Variants in SLIT1 observed in about 807,000 individuals in gnomAD.
SLIT1 encodes the protein slit homolog 1 protein.
Under a neutral mutation model 186.1 loss-of-function variants are expected in SLIT1, and 66 were observed. The ratio of observed to expected loss-of-function variants is 0.35; its 90% CI spans 0.29 to 0.44. The LOEUF is 0.44. Ranked by LOEUF, SLIT1 falls within the 20% of genes least tolerant of loss-of-function variation. The pLI is 1.00. For synonymous variants in SLIT1, 761 were observed against 833.8 expected (o/e 0.91, Z 1.50); for missense variants, 1,638 against 2,037.4 (o/e 0.80, Z 3.77).
At chr10:97,113,140 C>T (rs1052947556) in intron 4 of SLIT1, among the ~76,000 whole-genome samples, 2 of 152,300 alleles carry the variant, frequency 1.3e-5, no homozygotes, top group South Asian at 2.1e-4. Flanking sequence ...TACAAAGATG[C>T]ATTAATTGAT....
chr10:97,138,012 T>C (rs1403479076), intron 4 of SLIT1, among the ~76,000 whole-genome samples: 2 of 152,236 alleles, frequency 1.3e-5, no homozygotes, highest in East Asian at 3.8e-4. Flanking sequence ...TCAACTTCCC[T>C]GTTGTGCCTG....
chr10:97,055,816 G>T (rs1375656315), intron 13 of SLIT1, among the ~76,000 whole-genome samples: 1 of 152,112 alleles, frequency 6.6e-6, no homozygotes, highest in Non-Finnish European at 1.5e-5. Context: ...ATTGTAAGAG[G>T]CACTACTATT....
chr10:97,124,311 A>C (rs941521514), intron 4 of SLIT1, among the ~76,000 whole-genome samples: 1 of 152,140 alleles, frequency 6.6e-6, no homozygotes, highest in Non-Finnish European at 1.5e-5. Flanking sequence ...AAGCCTTTGG[A>C]CATTCAAAAG....
chr10:97,001,410 TC>T, intron 36 of SLIT1, 60 bp from the exon 37 acceptor site: 1 of 1,327,298 alleles, frequency 7.5e-7, no homozygotes, highest in Non-Finnish European at 1.1e-6. Context: ...AGCTGCTGCC[TC>T]CAGGGAGGCA....
chr10:97,036,620 C>T (rs1207987029), intron 22 of SLIT1, among the ~76,000 whole-genome samples: 1 of 152,178 alleles, frequency 6.6e-6, no homozygotes, highest in East Asian at 1.9e-4. Flanking sequence ...CTGGTGTAAG[C>T]GCCATATCTA....
intron 4 of SLIT1, among the ~76,000 whole-genome samples, chr10:97,108,886 CAAAAAAAAAAAAAAAAAAAAAA>C (rs11355026): frequency 2.1e-5 from 1 of 46,746 alleles, no homozygotes; most frequent in East Asian, 9.7e-4. Context: ...GTCTCAGTCT[CAAAAAAAAAAAAAAAAAAAAAA>C]AAAAAAAAAG....
chr10:97,011,149 G>A lies in SLIT1; in HGVS notation c.3204-19C>T, dbSNP rs772606361. 1.3e-6 allele frequency: 2 copies of A among 1,598,286 alleles called. No homozygotes were observed. The highest frequency in any genetic ancestry group is 2.2e-5 in the East Asian group (1 of 44,800). On this transcript the variant is annotated intron_variant, in intron 30 of 36. Coordinates refer to ENST00000266058, the MANE Select transcript of SLIT1 (RefSeq NM_003061.3). ...CTCACACCTAGTGGGTGGGGGGCAG[G>A]GGTAGTTGGGGGGTCAGCCACACAG...
chr10:97,034,662 G>T (rs531548262), intron 22 of SLIT1, 120 bp from the exon 23 acceptor site: 7 of 814,444 alleles, frequency 8.6e-6, no homozygotes, highest in African/African-American at 6.7e-5. Context: ...TTGGCCAGGG[G>T]TGGAGAGGAG....
At chr10:97,002,007 A>G in intron 36 of SLIT1, 151 bp downstream of exon 36, 1 of 480,442 alleles carries the variant, frequency 2.1e-6, no homozygotes, top group African/African-American at 2.0e-5. Flanking sequence ...CAGTGCCCAG[A>G]GGGTGGAGGG....
chr10:97,037,642 G>A, intron 22 of SLIT1, 56 bp downstream of exon 22: 5 of 1,368,940 alleles, frequency 3.7e-6, no homozygotes, highest in South Asian at 1.2e-5. Context: ...GAAAGCCGGA[G>A]TCCTGATGGT....
In SLIT1 at chr10:97,068,351, A is replaced by C. The variant is rs1229990508; in HGVS notation, c.414-2265T>G. 6.6e-6 allele frequency among the ~76,000 whole-genome samples: 1 copy of C among 152,042 alleles called. No individual in the cohort carries two copies. The highest frequency in any genetic ancestry group is 1.5e-5 in the Non-Finnish European group (1 of 67,994). ...GTTTCCTCATGTACAAAATGGGAAAAATGAAAGCCTGGCAAAGCAATTGCC... is the reference window on the plus strand; with the variant it reads ...GTTTCCTCATGTACAAAATGGGAAACATGAAAGCCTGGCAAAGCAATTGCC... On this transcript the variant is annotated intron_variant, in intron 4 of 36. Coordinates refer to ENST00000266058, the MANE Select transcript of SLIT1 (RefSeq NM_003061.3). The surrounding 1 kb of genome is among the most constrained non-coding windows in gnomAD (Gnocchi z 4.2).
chr10:97,037,182 C>G (rs949322697), intron 22 of SLIT1, among the ~76,000 whole-genome samples: 1 of 151,840 alleles, frequency 6.6e-6, no homozygotes, highest in Admixed American at 6.6e-5. Flanking sequence ...GCAGCCTCCA[C>G]CTCCCGGGTT....
At chr10:97,168,046 C>T (rs1229279381) in intron 1 of SLIT1, among the ~76,000 whole-genome samples, 1 of 152,204 alleles carries the variant, frequency 6.6e-6, no homozygotes, top group Non-Finnish European at 1.5e-5. Flanking sequence ...AACTCACAAA[C>T]ACACACACAT....
chr10:97,141,515 T>C (rs1362160817), intron 4 of SLIT1, among the ~76,000 whole-genome samples: 2 of 152,224 alleles, frequency 1.3e-5, no homozygotes, highest in African/African-American at 4.8e-5. Flanking sequence ...ATCCTGGTTC[T>C]GAACACTGTT....
rs890796577 is a variant in SLIT1, at chr10:97,080,060, G to A, written c.414-13974C>T. ...CAAAGAAGTAAAAAGAATAAAGACA[G>A]AAATAGGTAGAAATATCAAACAAAA... On this transcript the variant is annotated intron_variant, in intron 4 of 36. Coordinates refer to ENST00000266058, the MANE Select transcript of SLIT1 (RefSeq NM_003061.3). 2.0e-5 allele frequency among the ~76,000 whole-genome samples: 3 copies of A among 152,318 alleles called. No individual in the cohort carries two copies. The East Asian group carries it at 5.8e-4, about 29-fold the overall frequency.
chr10:97,128,413 TC>T, intron 4 of SLIT1, among the ~76,000 whole-genome samples: 1 of 152,152 alleles, frequency 6.6e-6, no homozygotes, highest in Non-Finnish European at 1.5e-5. Flanking sequence ...ATGCTCACAC[TC>T]TCCCCAAATC....
chr10:97,060,092 C>T lies in SLIT1; in HGVS notation c.1008G>A (p.Arg336=). 1 of 1,613,308 alleles carries T rather than the reference C, an allele frequency of 6.2e-7. No individual in the cohort carries two copies. The highest frequency in any genetic ancestry group is 8.5e-7 in the Non-Finnish European group (1 of 1,179,218). ...PGAFSPYRKL[R]RIDLSNNQIA... ...AAGCAGTGGGAGGCACTCACATCCTCCGTAGCTTTCTGTAGGGTGAGAAGG... is the reference window on the plus strand; with the variant it reads ...AAGCAGTGGGAGGCACTCACATCCTTCGTAGCTTTCTGTAGGGTGAGAAGG... Residue 336 remains arginine, a synonymous_variant, in exon 10 of 37, where the codon CGG becomes CGA. Transcript: ENST00000266058.
intron 1 of SLIT1, among the ~76,000 whole-genome samples, chr10:97,165,134 CG>C (rs1203089515): frequency 2.0e-5 from 3 of 152,194 alleles, no homozygotes; most frequent in Non-Finnish European, 2.9e-5. Context: ...AAACCAAAAA[CG>C]TGGTTTCTGC....
intron 31 of SLIT1, among the ~76,000 whole-genome samples, chr10:97,009,498 AC>A (rs1416351544): frequency 6.6e-6 from 1 of 152,206 alleles, no homozygotes; most frequent in African/African-American, 2.4e-5. Flanking sequence ...TGGATCAATG[AC>A]CTAAATATAA....
Sources: gnomAD v4.1 joint callset for allele counts (sites outside exome capture counted in the v4.1 genomes callset) on GRCh38, gnomAD v4.1.1 for gene constraint, Gnocchi (gnomAD v3.1) non-coding constraint, MANE v1.5 for transcripts, NCBI Gene and HGNC (gene_info 2026-07-23, HGNC 2026-07-21) for gene names.